Variants in TEAD3 observed in about 807,000 individuals in gnomAD.
The protein encoded by TEAD3 is TEA domain transcription factor 3.
TEAD3 carries 15 observed loss-of-function variants against 55.6 expected under a neutral mutation model. The ratio of observed to expected loss-of-function variants is 0.27; its 90% CI spans 0.18 to 0.42. The LOEUF (loss-of-function observed/expected upper bound fraction) is 0.42. Among genes scored for constraint, TEAD3 ranks in the 10% least tolerant of loss-of-function variants. TEAD3 has a pLI of 1.00. For missense variants in TEAD3, 407 were observed against 576.8 expected (o/e 0.71, Z 3.01); for synonymous variants, 210 against 232.2 (o/e 0.90, Z 0.87).
chr6:35,483,785 C>CGTG lies in TEAD3; in HGVS notation c.267+774_267+775insCAC, dbSNP rs1768311496. Among the ~76,000 whole-genome samples the CGTG allele has an allele frequency of 2.0e-5, 3 of 152,188 alleles. No homozygotes were observed. Among genetic ancestry groups the CGTG allele is most frequent in the Non-Finnish European group, 4.4e-5 (3 of 68,022 alleles). Reference sequence around the variant, plus strand: ...ACCCCAGCAGTCCCCACCCTCCCTCCACCACATCAGGCTGCCCACAGGCAC... The same window carrying CGTG: ...ACCCCAGCAGTCCCCACCCTCCCTCCGTGACCACATCAGGCTGCCCACAGGCAC... On this transcript the variant is annotated intron_variant, in intron 3 of 12. Coordinates refer to ENST00000639578, the Ensembl canonical transcript of TEAD3. This position sits in a 1 kb window ranked among gnomAD's most constrained non-coding sequence, Gnocchi z 4.5.
intron 9 of TEAD3, 60 bp from the exon 10 acceptor site, chr6:35,476,152 GGA>G (rs1768143485): frequency 6.5e-7 from 1 of 1,529,234 alleles, no homozygotes; most frequent in African/African-American, 1.4e-5. Context: ...CCGGGGGCGG[GGA>G]AGGGAGCACT....
chr6:35,487,434 C>G (rs1768409741), intron 1 of TEAD3, among the ~76,000 whole-genome samples: 1 of 151,706 alleles, frequency 6.6e-6, no homozygotes, highest in South Asian at 2.1e-4. Context: ...CACTTGTAAT[C>G]CCAGCTACTC....
intron 5 of TEAD3, among the ~76,000 whole-genome samples, chr6:35,479,028 C>T (rs1334678974): frequency 2.0e-5 from 3 of 151,906 alleles, no homozygotes; most frequent in African/African-American, 4.8e-5. Context: ...TACAGGCATT[C>T]GTCACCATGC....
At chr6:35,480,607 G>A (rs1768248090) in intron 3 of TEAD3, among the ~76,000 whole-genome samples, 1 of 152,192 alleles carries the variant, frequency 6.6e-6, no homozygotes, top group Admixed American at 6.5e-5. Context: ...ATGACTATAG[G>A]CATGTGCCAT....
chr6:35,487,250 T>C (rs546957676), intron 1 of TEAD3, among the ~76,000 whole-genome samples: 1 of 152,150 alleles, frequency 6.6e-6, no homozygotes, highest in South Asian at 2.1e-4. Flanking sequence ...TGAAAACCCA[T>C]CTCTACCTAA....
At chr6:35,476,868 G>A (rs1427689181) in intron 8 of TEAD3, among the ~76,000 whole-genome samples, 6 of 152,282 alleles carry the variant, frequency 3.9e-5, no homozygotes, top group East Asian at 1.9e-4. Flanking sequence ...TGTTGCCCAG[G>A]CTGGAGTGCA....
intron 1 of TEAD3, among the ~76,000 whole-genome samples, chr6:35,493,902 C>T (rs771588510): frequency 1.3e-5 from 2 of 152,244 alleles, no homozygotes; most frequent in Non-Finnish European, 2.9e-5. Context: ...CAGCTTCCTT[C>T]ATCGGCACAT....
chr6:35,477,247 G>T, intron 8 of TEAD3, 64 bp downstream of exon 8: 1 of 1,564,408 alleles, frequency 6.4e-7, no homozygotes. Context: ...CACACAGTTG[G>T]ACCCCAGCTC....
chr6:35,479,371 G>A, intron 4 of TEAD3, 55 bp from the exon 5 acceptor site: 1 of 1,610,274 alleles, frequency 6.2e-7, no homozygotes, highest in East Asian at 2.2e-5. Flanking sequence ...CCAGGGCTGT[G>A]GGCTGAGGGA....
chr6:35,476,477 A>G, intron 8 of TEAD3, 42 bp from the exon 9 acceptor site: 16 of 1,603,534 alleles, frequency 1.0e-5, no homozygotes, highest in Non-Finnish European at 1.4e-5. Context: ...GGATGCATGC[A>G]GGTGCTTACT....
rs970667099 is a variant in TEAD3 at position 35,474,973 on chromosome 6, C to T, written c.*71G>A. The T allele has an allele frequency of 5.9e-6, 8 of 1,351,506 alleles. No individual in the cohort carries two copies. In the East Asian group the frequency reaches 1.5e-4, roughly 26 times the overall value. The allele number at this position is 1,351,506 out of a possible 1,614,324, so 83.7% of individuals were successfully genotyped here. A position where few individuals can be genotyped will look rare whatever the true frequency, so the allele number is the denominator to read the frequency against. On this transcript the variant is annotated 3_prime_UTR_variant, in exon 13 of 13. Transcript: ENST00000639578. ...TAGATGAATCCTCAATCCTGGACCC[C>T]CCCAGGGGTGCCAGGCAGGTGTGGA...
chr6:35,484,475 G>A lies in TEAD3; in HGVS notation c.267+85C>T, dbSNP rs1376024690. On this transcript the variant is annotated intron_variant, in intron 3 of 12. Coordinates refer to ENST00000639578, the Ensembl canonical transcript of TEAD3. The surrounding 1 kb of genome is among the most constrained non-coding windows in gnomAD (Gnocchi z 5.8). Reference sequence around the variant, plus strand: ...CCAGGTCAGGGGCAGCCTCGAGGAGGTGGGCAGGGTAGGGGCAAGGGGTTG... The same window carrying A: ...CCAGGTCAGGGGCAGCCTCGAGGAGATGGGCAGGGTAGGGGCAAGGGGTTG... 1.5e-6 allele frequency: 2 copies of A among 1,356,962 alleles called. No individual in the cohort carries two copies. The highest frequency in any genetic ancestry group is 2.0e-5 in the Admixed American group (1 of 50,684). 84.1% of individuals were successfully genotyped at this position (1,356,962 alleles called of 1,614,324 possible). A position where few individuals can be genotyped will look rare whatever the true frequency, so the allele number is the denominator to read the frequency against.
At chr6:35,474,323 G>T, downstream of TEAD3, 1 of 153,052 alleles carries the variant, frequency 6.5e-6, no homozygotes, top group Non-Finnish European at 1.5e-5. Context: ...CCCTCGATGA[G>T]GCTCCACTCC....
intron 3 of TEAD3, 24 bp downstream of exon 4, chr6:35,480,288 G>T: frequency 1.2e-6 from 2 of 1,612,004 alleles, no homozygotes; most frequent in Non-Finnish European, 1.7e-6. Flanking sequence ...AGGGCTGAAG[G>T]CCCCCGCCAG....
rs1403415602 is a variant in TEAD3 at position 35,488,881 on chromosome 6, A to G, written c.-49-2170T>C. ...CTCCCCCCTCAGCATGGTGGCACGCACCTGTAGCTGGGATTACAGGCGCAT... is the reference window on the plus strand; with the variant it reads ...CTCCCCCCTCAGCATGGTGGCACGCGCCTGTAGCTGGGATTACAGGCGCAT... On this transcript the variant is annotated intron_variant, in intron 1 of 12. Coordinates refer to ENST00000639578, the Ensembl canonical transcript of TEAD3. The surrounding 1 kb of genome is among the most constrained non-coding windows in gnomAD (Gnocchi z 4.2). 1.3e-5 allele frequency among the ~76,000 whole-genome samples: 2 copies of G among 151,784 alleles called. No homozygotes were observed. The highest frequency in any genetic ancestry group is 4.8e-5 in the African/African-American group (2 of 41,328).
downstream of TEAD3, chr6:35,474,890 T>G (rs1581720261): frequency 1.6e-6 from 1 of 607,368 alleles, no homozygotes; most frequent in Non-Finnish European, 2.9e-6. Context: ...TGGCAGGGAG[T>G]GTGTGTGCTG....
Position 35,496,727 on chromosome 6 carries a change from T to C in TEAD3, c.-50+171A>G, listed in dbSNP as rs566338430. On this transcript the variant is annotated intron_variant, in intron 1 of 12. Coordinates refer to ENST00000639578, the Ensembl canonical transcript of TEAD3. The surrounding 1 kb of genome is among the most constrained non-coding windows in gnomAD (Gnocchi z 4.8). ...GGGGGGCGGGGCTTCCCGGAGAGAT[T>C]TTCCCCCTTCCCTCTAAACTTCCCG... Among the ~76,000 whole-genome samples, 1,196 of 151,312 alleles carry C rather than the reference T, an allele frequency of 7.9e-3. 16 individuals are homozygous for C. Among genetic ancestry groups the C allele is most frequent in the African/African-American group, 0.025 (1,048 of 41,242 alleles).
At chr6:35,476,569 T>C in intron 8 of TEAD3, 134 bp from the exon 9 acceptor site, 1 of 1,088,284 alleles carries the variant, frequency 9.2e-7, no homozygotes, top group Non-Finnish European at 1.3e-6. Context: ...CTATGTGTCC[T>C]TGTACAGTGT....
Position 35,475,511 on chromosome 6 carries a change from G to C in TEAD3, c.1042-23C>G. ...AGTCTGCAGAGAATATGGAGAAGGC[G>C]TCACTCGGCCTGCCTGCTCCCAGCC... On this transcript the variant is annotated intron_variant, in intron 11 of 12. Coordinates refer to ENST00000639578, the Ensembl canonical transcript of TEAD3. The surrounding 1 kb of genome is among the most constrained non-coding windows in gnomAD (Gnocchi z 5.4). 3.7e-6 allele frequency: 6 copies of C among 1,605,938 alleles called. No individual in the cohort carries two copies. Among genetic ancestry groups the C allele is most frequent in the Non-Finnish European group, 4.3e-6 (5 of 1,173,894 alleles).
Sources: allele counts gnomAD v4.1 joint callset (sites outside exome capture counted in the v4.1 genomes callset), GRCh38; gene constraint gnomAD v4.1.1; non-coding constraint Gnocchi (gnomAD v3.1); transcripts MANE v1.5; gene names NCBI Gene and HGNC (gene_info 2026-07-23, HGNC 2026-07-21).